Variants in BAIAP2L1 observed in about 807,000 individuals in gnomAD.
BAIAP2L1 encodes BAR/IMD domain-containing adapter protein 2-like 1.
BAIAP2L1 carries 35 observed loss-of-function variants against 66.3 expected under a neutral mutation model. That is an observed-to-expected ratio of 0.53 (90% CI 0.40 to 0.70). The LOEUF is 0.70. Ranked by LOEUF, BAIAP2L1 falls within the 30% of genes least tolerant of loss-of-function variation. The pLI, the probability that BAIAP2L1 is intolerant of heterozygous loss-of-function variation, is 0.00. For missense variants in BAIAP2L1, 622 were observed against 656.9 expected (o/e 0.95, Z 0.58); for synonymous variants, 269 against 248.7 (o/e 1.08, Z -0.77).
intron 7 of BAIAP2L1, 21 bp from the exon 8 acceptor site, chr7:98,312,285 G>A (rs767427025): frequency 3.8e-6 from 6 of 1,584,014 alleles, no homozygotes; most frequent in Non-Finnish European, 5.1e-6. Context: ...AAAAGAAGAA[G>A]ACTAAAGACA....
intron 12 of BAIAP2L1, 42 bp downstream of exon 12, chr7:98,304,154 G>A (rs1800538128): frequency 2.3e-5 from 34 of 1,505,152 alleles, no homozygotes; most frequent in Non-Finnish European, 2.8e-5. Context: ...GTCGGGGATG[G>A]CGAGTCCAGG....
chr7:98,356,831 A>G (rs1802131347), intron 2 of BAIAP2L1, among the ~76,000 whole-genome samples: 1 of 146,984 alleles, frequency 6.8e-6, no homozygotes, highest in Non-Finnish European at 1.5e-5. Context: ...AAAACAAACA[A>G]AAAAAACTAG....
chr7:98,339,056 G>A (rs1166373157), intron 3 of BAIAP2L1, among the ~76,000 whole-genome samples: 3 of 146,380 alleles, frequency 2.0e-5, no homozygotes, highest in Non-Finnish European at 3.0e-5. Context: ...CTGGCCAACA[G>A]AGCAAGACTC....
At chr7:98,351,873 G>A (rs1367341436) in intron 3 of BAIAP2L1, among the ~76,000 whole-genome samples, 4 of 152,164 alleles carry the variant, frequency 2.6e-5, no homozygotes, top group African/African-American at 4.8e-5. Flanking sequence ...AAATGGCACC[G>A]CTGTCACAGA....
At chr7:98,313,111 CT>C (rs1299783305) in intron 7 of BAIAP2L1, among the ~76,000 whole-genome samples, 2 of 150,934 alleles carry the variant, frequency 1.3e-5, no homozygotes, top group South Asian at 2.1e-4. Context: ...CACACCACCC[CT>C]GTCCCCAAAT....
At chr7:98,322,312 A>G (rs776308131) in intron 3 of BAIAP2L1, among the ~76,000 whole-genome samples, 10 of 152,154 alleles carry the variant, frequency 6.6e-5, no homozygotes, top group Non-Finnish European at 1.2e-4. Context: ...CCCTTGTCCC[A>G]GCTCAGGATT....
In BAIAP2L1 at chr7:98,362,358, G is replaced by T; in HGVS notation, c.126C>A (p.Asn42Lys). The T allele has an allele frequency of 6.2e-7, 1 of 1,604,690 alleles. No homozygotes were observed. The part of the protein sequence containing the change: ...NLGKNYEKAV[N>K]AMILAGKAYY... ...ATCAATTCAGAAAAACAGACTTACCGTTTACAGCTTTCTCATAATTTTTCC... is the reference window on the plus strand; with the variant it reads ...ATCAATTCAGAAAAACAGACTTACCTTTTACAGCTTTCTCATAATTTTTCC... Residue 42 changes from asparagine (N) to lysine (K), a missense_variant and splice_region_variant, in exon 2 of 14, where the codon AAC (asparagine) becomes AAA (lysine). Coordinates refer to ENST00000005260, the MANE Select transcript of BAIAP2L1 (RefSeq NM_018842.5).
intron 12 of BAIAP2L1, among the ~76,000 whole-genome samples, chr7:98,301,098 C>T (rs1405412074): frequency 2.0e-5 from 3 of 152,152 alleles, no homozygotes; most frequent in Non-Finnish European, 4.4e-5. Flanking sequence ...ATGGGACGGT[C>T]TCATCTCTGT....
chr7:98,392,950 GC>G (rs78110452), intron 1 of BAIAP2L1, among the ~76,000 whole-genome samples: 36,186 of 149,964 alleles, frequency 0.24, 4,625 homozygotes, highest in East Asian at 0.45. Flanking sequence ...CCGCCACCAC[GC>G]CCAGCTGATT....
chr7:98,396,766 C>A (rs1803218902), intron 1 of BAIAP2L1, among the ~76,000 whole-genome samples: 1 of 152,114 alleles, frequency 6.6e-6, no homozygotes, highest in South Asian at 2.1e-4. Flanking sequence ...CCAGCCTGAG[C>A]AACAAAGCAA....
chr7:98,303,265 C>A (rs1247521051), intron 12 of BAIAP2L1, among the ~76,000 whole-genome samples: 1 of 152,168 alleles, frequency 6.6e-6, no homozygotes, highest in Non-Finnish European at 1.5e-5. Flanking sequence ...CACACCTGGG[C>A]ACCACTCACA....
intron 3 of BAIAP2L1, among the ~76,000 whole-genome samples, chr7:98,329,713 T>TTA (rs1801450558): frequency 6.8e-6 from 1 of 146,928 alleles, no homozygotes; most frequent in Admixed American, 6.8e-5. Flanking sequence ...TAAAGGGATT[T>TTA]AAAAAAAAAA....
intron 3 of BAIAP2L1, among the ~76,000 whole-genome samples, chr7:98,324,562 T>C (rs938047280): frequency 6.6e-6 from 1 of 152,170 alleles, no homozygotes; most frequent in Non-Finnish European, 1.5e-5. Flanking sequence ...ACATTTTCAT[T>C]GGAAACACAG....
chr7:98,312,529 A>T (rs1019458827), intron 7 of BAIAP2L1, among the ~76,000 whole-genome samples: 6 of 152,118 alleles, frequency 3.9e-5, no homozygotes, highest in Admixed American at 2.0e-4. Flanking sequence ...GGGGATGGTA[A>T]ATGGTTAAGA....
Position 98,304,396 on chromosome 7 carries a change from C to T in BAIAP2L1, c.1242-20G>A, listed in dbSNP as rs769884550. The T allele has an allele frequency of 9.3e-6, 15 of 1,612,994 alleles. No homozygotes were observed. In the East Asian group the frequency reaches 2.7e-4, roughly 29 times the overall value. On this transcript the variant is annotated intron_variant, in intron 11 of 13. Coordinates refer to ENST00000005260, the MANE Select transcript of BAIAP2L1 (RefSeq NM_018842.5). Reference sequence around the variant, plus strand: ...GTGGGGCTCAAACCCAAAAAGGACACAGCACGTGTTAGATAATGTCTCACC... The same window carrying T: ...GTGGGGCTCAAACCCAAAAAGGACATAGCACGTGTTAGATAATGTCTCACC...
chr7:98,357,769 G>A (rs1477065756), intron 2 of BAIAP2L1, among the ~76,000 whole-genome samples: 1 of 152,054 alleles, frequency 6.6e-6, no homozygotes, highest in Non-Finnish European at 1.5e-5. Context: ...CAATTATGTT[G>A]AGACACAGTC....
chr7:98,354,944 G>C, intron 3 of BAIAP2L1, 98 bp downstream of exon 3: 2 of 878,750 alleles, frequency 2.3e-6, no homozygotes, highest in East Asian at 2.5e-5. Flanking sequence ...TGCTGGCCCA[G>C]ATCTCTCCTC....
intron 7 of BAIAP2L1, 54 bp downstream of exon 7, chr7:98,315,406 T>G: frequency 7.5e-7 from 1 of 1,329,326 alleles, no homozygotes; most frequent in Non-Finnish European, 9.7e-7. Context: ...CTGGGGCATT[T>G]AAATATGAAA....
intron 1 of BAIAP2L1, among the ~76,000 whole-genome samples, chr7:98,376,700 C>T (rs1802641275): frequency 6.7e-6 from 1 of 149,176 alleles, no homozygotes; most frequent in African/African-American, 2.5e-5. Context: ...GGTGTGGTGG[C>T]GCATGCCTGT....
Sources: allele counts gnomAD v4.1 joint callset (sites outside exome capture counted in the v4.1 genomes callset), GRCh38; gene constraint gnomAD v4.1.1; transcripts MANE v1.5; gene names NCBI Gene and HGNC (gene_info 2026-07-23, HGNC 2026-07-21).